Variants in SLCO5A1 observed in about 807,000 individuals in gnomAD.
The protein encoded by SLCO5A1 is organic anion transporter polypeptide-related protein 4.
SLCO5A1 carries 39 observed loss-of-function variants against 65.1 expected under a neutral mutation model. The observed-to-expected ratio is 0.60, with a 90% CI of 0.46 to 0.78. The LOEUF is 0.78. SLCO5A1 is among the 30% of genes least tolerant of loss of function. SLCO5A1 has a pLI of 0.00. For synonymous variants in SLCO5A1, 438 were observed against 415.7 expected (o/e 1.05, Z -0.65); for missense variants, 1,029 against 1,069.4 (o/e 0.96, Z 0.53).
chr8:69,794,442 T>TA, intron 2 of SLCO5A1: 2 of 447,596 alleles, frequency 4.5e-6, no homozygotes, highest in South Asian at 3.7e-5. Flanking sequence ...AGAAACTTTA[T>TA]AAGTGATGAA....
chr8:69,674,869 A>AC (rs1473499494), intron 9 of SLCO5A1, among the ~76,000 whole-genome samples: 3 of 47,734 alleles, frequency 6.3e-5, no homozygotes, highest in Admixed American at 2.4e-4. Flanking sequence ...AAAAAAAAAA[A>AC]CAAAAAAAAA....
chr8:69,781,867 G>C (rs1292551840), intron 2 of SLCO5A1, among the ~76,000 whole-genome samples: 1 of 152,016 alleles, frequency 6.6e-6, no homozygotes, highest in African/African-American at 2.4e-5. Context: ...ATGTTGGTCA[G>C]GCTGGTCTTG....
chr8:69,784,993 C>CAAAA (rs1818994130), intron 2 of SLCO5A1, among the ~76,000 whole-genome samples: 1 of 80,404 alleles, frequency 1.2e-5, no homozygotes, highest in African/African-American at 4.9e-5. Context: ...GAAAGAAAAG[C>CAAAA]GAAAGAAAGA....
At chr8:69,803,994 G>A (rs1190894128) in intron 2 of SLCO5A1, among the ~76,000 whole-genome samples, 2 of 152,092 alleles carry the variant, frequency 1.3e-5, no homozygotes. Context: ...CCTCACCACT[G>A]GGGAGAGGGA....
intron 5 of SLCO5A1, among the ~76,000 whole-genome samples, chr8:69,727,485 G>A (rs1399872271): frequency 6.6e-6 from 1 of 152,152 alleles, no homozygotes; most frequent in Non-Finnish European, 1.5e-5. Context: ...AATGGATTGT[G>A]AGGTGTGTTC....
At chr8:69,751,074 T>C (rs1420200342) in intron 4 of SLCO5A1, among the ~76,000 whole-genome samples, 3 of 152,202 alleles carry the variant, frequency 2.0e-5, no homozygotes, top group Non-Finnish European at 1.5e-5. Context: ...AGCAGAGAAA[T>C]CTCTGTTACA....
chr8:69,676,525 T>C, intron 9 of SLCO5A1, 84 bp downstream of exon 9: 4 of 1,145,094 alleles, frequency 3.5e-6, no homozygotes, highest in Non-Finnish European at 5.2e-6. Flanking sequence ...ATAAATGACA[T>C]GACTTGCCAT....
intron 5 of SLCO5A1, among the ~76,000 whole-genome samples, chr8:69,723,102 AT>A (rs1322380174): frequency 6.6e-6 from 1 of 152,130 alleles, no homozygotes; most frequent in Non-Finnish European, 1.5e-5. Context: ...CATAGCTTTT[AT>A]TTTCAGCTAT....
chr8:69,831,151 C>T (rs987306255), intron 2 of SLCO5A1, among the ~76,000 whole-genome samples: 5 of 151,806 alleles, frequency 3.3e-5, no homozygotes, highest in African/African-American at 1.2e-4. Flanking sequence ...ATCCCAGCTA[C>T]TCGGGGGCTG....
chr8:69,709,334 C>T (rs914408562), intron 5 of SLCO5A1, among the ~76,000 whole-genome samples: 1 of 152,132 alleles, frequency 6.6e-6, no homozygotes, highest in Admixed American at 6.5e-5. Context: ...AATGACAATG[C>T]AAGATCCTTG....
At chr8:69,710,644 G>A (rs2959567) in intron 5 of SLCO5A1, among the ~76,000 whole-genome samples, 91,328 of 152,016 alleles carry the variant, frequency 0.6, 27,636 homozygotes, top group South Asian at 0.71. Flanking sequence ...ATGGAGCCGC[G>A]GATACTGTAC....
At chr8:69,677,192 G>A (rs1813587118) in intron 8 of SLCO5A1, among the ~76,000 whole-genome samples, 1 of 152,132 alleles carries the variant, frequency 6.6e-6, no homozygotes, top group South Asian at 2.1e-4. Flanking sequence ...ACAAGTCAAA[G>A]ATCAGAGGAA....
intron 3 of SLCO5A1, among the ~76,000 whole-genome samples, chr8:69,757,453 T>G (rs1436894581): frequency 6.7e-6 from 1 of 149,876 alleles, no homozygotes; most frequent in African/African-American, 2.5e-5. Context: ...CCGAGATGGG[T>G]GGATCACCTG....
intron 2 of SLCO5A1, among the ~76,000 whole-genome samples, chr8:69,792,162 G>C (rs1166572276): frequency 6.6e-6 from 1 of 151,934 alleles, no homozygotes; most frequent in Non-Finnish European, 1.5e-5. Flanking sequence ...AATGTTAAAA[G>C]ATATAGATTA....
At chr8:69,767,909 A>AG (rs1563712277) in intron 2 of SLCO5A1, among the ~76,000 whole-genome samples, 8 of 140,786 alleles carry the variant, frequency 5.7e-5, no homozygotes, top group African/African-American at 1.5e-4. Context: ...AAAAAAAAAA[A>AG]AACAAAAAGA....
rs2130893502 is a variant in SLCO5A1, at chr8:69,792,353, C to T, written c.908-30478G>A. Among the ~76,000 whole-genome samples, 3 of 152,166 alleles carry T rather than the reference C, an allele frequency of 2.0e-5. No individual in the cohort carries two copies. The South Asian group carries it at 6.2e-4, about 32-fold the overall frequency. ...AGGGGGCAGGAGGGCAAAAGTGCTC[C>T]TGTACAGAAATATGGTAGGAAAAGA... On this transcript the variant is annotated intron_variant, in intron 2 of 9. Transcript: ENST00000260126.
At chr8:69,787,222 T>G (rs1819071536) in intron 2 of SLCO5A1, among the ~76,000 whole-genome samples, 1 of 152,240 alleles carries the variant, frequency 6.6e-6, no homozygotes, top group South Asian at 2.1e-4. Context: ...TTCTGACCAA[T>G]CAAGATTCAG....
chr8:69,715,830 T>A (rs1260677296), intron 5 of SLCO5A1, among the ~76,000 whole-genome samples: 4 of 152,218 alleles, frequency 2.6e-5, no homozygotes, highest in Non-Finnish European at 5.9e-5. Flanking sequence ...CTCTGAGCTA[T>A]AATTCACATA....
In SLCO5A1 at chr8:69,803,623, CCCCTCT is replaced by C. The variant is rs568336404; in HGVS notation, c.907+28138_907+28143del. ...TTTTTAGAAATGCAAATTCTCAGCT[CCCCTCT>C]ACCTTCTTAGGGGTGGAGCCCAGCA... On this transcript the variant is annotated intron_variant, in intron 2 of 9. Coordinates refer to ENST00000260126, the MANE Select transcript of SLCO5A1 (RefSeq NM_030958.3). Among the ~76,000 whole-genome samples the C allele has an allele frequency of 8.5e-5, 13 of 152,290 alleles. No homozygotes were observed. The East Asian group carries it at 2.5e-3, about 29-fold the overall frequency.
Sources: gnomAD v4.1 joint callset for allele counts (sites outside exome capture counted in the v4.1 genomes callset) on GRCh38, gnomAD v4.1.1 for gene constraint, MANE v1.5 for transcripts, NCBI Gene and HGNC (gene_info 2026-07-23, HGNC 2026-07-21) for gene names.